Variants in ANK3 observed in about 807,000 individuals in gnomAD.
The protein encoded by ANK3 is ankyrin 3, also known as ankyrin-3.
Under a neutral mutation model 370.9 loss-of-function variants are expected in ANK3, and 57 were observed. That is an observed-to-expected ratio of 0.15 (90% confidence interval 0.12 to 0.19). ANK3 has a LOEUF of 0.19. Among genes scored for constraint, ANK3 ranks in the 10% least tolerant of loss-of-function variants. The pLI is 1.00. For synonymous variants in ANK3, 1,929 were observed against 1,946.3 expected (o/e 0.99, Z 0.23); for missense variants, 4,439 against 5,302.1 (o/e 0.84, Z 5.06).
chr10:60,082,694 A>C lies in ANK3; in HGVS notation c.4244T>G (p.Leu1415Arg). ...SQEPCGRLSFLKEPKTTKGLP... is the reference protein window; with the variant it reads ...SQEPCGRLSFRKEPKTTKGLP... Reference sequence around the variant, plus strand: ...TCCTTTTGTTGTCTTTGGTTCTTTCAGAAAAGACAGACGACCACAGGGCTC... The same window carrying C: ...TCCTTTTGTTGTCTTTGGTTCTTTCCGAAAAGACAGACGACCACAGGGCTC... The change falls in exon 34 of 44, where the codon CTG becomes CGG. Residue 1415 changes from leucine to arginine, a missense_variant. Transcript: ENST00000280772. 1 of 1,614,122 alleles carries C rather than the reference A, an allele frequency of 6.2e-7. No individual in the cohort carries two copies. The highest frequency in any genetic ancestry group is 8.5e-7 in the Non-Finnish European group (1 of 1,179,966).
chr10:60,486,799 G>C (rs2075360780), intron 2 of ANK3, among the ~76,000 whole-genome samples: 1 of 130,096 alleles, frequency 7.7e-6, no homozygotes, highest in Non-Finnish European at 1.7e-5. Flanking sequence ...TGCTCTTACT[G>C]ATATATTCAA....
chr10:60,141,844 G>A (rs1397354981), intron 23 of ANK3, among the ~76,000 whole-genome samples: 1 of 151,972 alleles, frequency 6.6e-6, no homozygotes, highest in African/African-American at 2.4e-5. Context: ...ATGACACCTG[G>A]TGCTTTACTC....
At chr10:60,369,502 T>C (rs1389858350) in intron 1 of ANK3, among the ~76,000 whole-genome samples, 1 of 152,206 alleles carries the variant, frequency 6.6e-6, no homozygotes, top group Non-Finnish European at 1.5e-5. Flanking sequence ...AGGCTGAGTC[T>C]AAGAAGGCCT....
At chr10:60,124,042 T>C (rs1265562341) in intron 25 of ANK3, among the ~76,000 whole-genome samples, 5 of 152,224 alleles carry the variant, frequency 3.3e-5, no homozygotes, top group African/African-American at 7.2e-5. Context: ...AAAATATTAA[T>C]TGCCCTGATT....
Position 60,256,168 on chromosome 10 carries a change from T to C in ANK3, c.798+5691A>G, listed in dbSNP as rs12358938. ...GTCCTATTCAGCATTATAGCCTAGA[T>C]GCAGCTATGCTTTGGGGACTTACGG... On this transcript the variant is annotated intron_variant, in intron 7 of 43. Transcript: ENST00000280772. Among the ~76,000 whole-genome samples the C allele has an allele frequency of 8.0e-3, 1,217 of 152,380 alleles. 11 individuals carry two copies. Among genetic ancestry groups the C allele is most frequent in the Non-Finnish European group, 0.011 (718 of 68,040 alleles).
At chr10:60,332,558 T>C (rs1489828285) in intron 1 of ANK3, among the ~76,000 whole-genome samples, 1 of 152,098 alleles carries the variant, frequency 6.6e-6, no homozygotes, top group Non-Finnish European at 1.5e-5. Flanking sequence ...GAGGGACACA[T>C]GGAGGGGGAC....
chr10:60,155,208 C>T (rs1419228528), intron 23 of ANK3, among the ~76,000 whole-genome samples: 6 of 152,178 alleles, frequency 3.9e-5, no homozygotes, highest in Non-Finnish European at 7.3e-5. Flanking sequence ...ATTATCTACA[C>T]CACCCCTCCC....
chr10:60,237,627 T>C (rs2097354124), intron 7 of ANK3, among the ~76,000 whole-genome samples: 1 of 151,908 alleles, frequency 6.6e-6, no homozygotes, highest in Admixed American at 6.6e-5. Flanking sequence ...TTAATTTTAT[T>C]ATTATTATAC....
intron 4 of ANK3, among the ~76,000 whole-genome samples, chr10:60,273,373 C>T (rs1292893479): frequency 1.3e-5 from 2 of 152,064 alleles, no homozygotes; most frequent in Admixed American, 6.5e-5. Flanking sequence ...ATAAAGCTCA[C>T]CTTTTAAAAG....
intron 1 of ANK3, among the ~76,000 whole-genome samples, chr10:60,692,690 A>T (rs1483550497): frequency 8.5e-5 from 13 of 152,202 alleles, no homozygotes; most frequent in Non-Finnish European, 1.5e-5. Context: ...AATAAGGTAA[A>T]ATCAGAAAGA....
chr10:60,384,378 CAT>C (rs1270345523), intron 1 of ANK3, among the ~76,000 whole-genome samples: 1 of 152,188 alleles, frequency 6.6e-6, no homozygotes, highest in African/African-American at 2.4e-5. Flanking sequence ...GAATTAGAGA[CAT>C]AAAGCCTGTC....
In ANK3 at chr10:60,158,685, C is replaced by CTTTTTTTTTTTTTTTTTTT. The variant is rs141741941; in HGVS notation, c.2614+7905_2614+7906insAAAAAAAAAAAAAAAAAAA. On this transcript the variant is annotated intron_variant, in intron 23 of 43. Transcript: ENST00000280772. ...TACTACAAGAGAAAGCACTTTTTTT[C>CTTTTTTTTTTTTTTTTTTT]TTTTTTTTGAGACAGAATCTCATTC... Among the ~76,000 whole-genome samples, 93 of 132,726 alleles carry CTTTTTTTTTTTTTTTTTTT rather than the reference C, an allele frequency of 7.0e-4. 26 individuals carry two copies. The highest frequency in any genetic ancestry group is 2.0e-3 in the East Asian group (9 of 4,394). 87.1% of individuals were successfully genotyped at this position (132,726 alleles called of 152,430 possible).
At chr10:60,112,947 C>T (rs1470630175) in intron 26 of ANK3, among the ~76,000 whole-genome samples, 2 of 152,148 alleles carry the variant, frequency 1.3e-5, no homozygotes, top group Non-Finnish European at 2.9e-5. Flanking sequence ...GCAAAAACAC[C>T]TTGAGATATT....
In ANK3 at chr10:60,072,269, G is replaced by A. The variant is rs201118487; in HGVS notation, c.8612C>T (p.Ser2871Leu). The change falls in exon 37 of 44, where the codon TCG (serine) becomes TTG (leucine). Residue 2871 changes from serine (S) to leucine (L), a missense_variant. Coordinates refer to ENST00000280772, the MANE Select transcript of ANK3 (RefSeq NM_020987.5). ...TCTTACATCATGAACAAGTACATGC[G>A]AAAGTTTTTCTTTCTGAGACTTATT... is the stretch of plus-strand genomic sequence containing the variant. The part of the protein sequence containing the change: ...TNNKSQKEKL[S>L]HVLVHDVREN... 2.1e-4 allele frequency: 343 copies of A among 1,613,948 alleles called. No homozygotes were observed. The highest frequency in any genetic ancestry group is 2.5e-4 in the Non-Finnish European group (296 of 1,180,024).
rs1424216815 is a variant in ANK3, at chr10:60,526,034, A to G, written c.96+89152T>C. Among the ~76,000 whole-genome samples the G allele has an allele frequency of 2.6e-5, 4 of 152,164 alleles. No individual in the cohort carries two copies. In the South Asian group the frequency reaches 6.2e-4, roughly 24 times the overall value. On this transcript the variant is annotated intron_variant, in intron 2 of 43. Coordinates refer to the ANK3 transcript ENST00000373827. Reference sequence around the variant, plus strand: ...CTAGAAATAAAATGTAATGTGAGCTAGCCCAGGTTTACATGGAACTTGTCA... The same window carrying G: ...CTAGAAATAAAATGTAATGTGAGCTGGCCCAGGTTTACATGGAACTTGTCA...
In ANK3 at chr10:60,103,982, A is replaced by G. The variant is rs1590040184; in HGVS notation, c.3328+1923T>C. On this transcript the variant is annotated intron_variant, in intron 28 of 43. Transcript: ENST00000280772. Reference sequence around the variant, plus strand: ...GCCATTATCCTTAGCAAACTAATGCAGGAACAGAAAACCAAATACTGCATA... The same window carrying G: ...GCCATTATCCTTAGCAAACTAATGCGGGAACAGAAAACCAAATACTGCATA... Among the ~76,000 whole-genome samples, 5 of 152,288 alleles carry G rather than the reference A, an allele frequency of 3.3e-5. No individual in the cohort carries two copies. The South Asian group carries it at 1.0e-3, about 32-fold the overall frequency.
At chr10:60,055,598 G>A in intron 42 of ANK3, 60 bp downstream of exon 42, 1 of 1,519,162 alleles carries the variant, frequency 6.6e-7, no homozygotes. Flanking sequence ...TCAATCCAAA[G>A]AAGTAAAGCA....
intron 1 of ANK3, among the ~76,000 whole-genome samples, chr10:60,362,169 T>C (rs886201275): frequency 6.6e-6 from 1 of 152,204 alleles, no homozygotes; most frequent in African/African-American, 2.4e-5. Context: ...CCATTATCCA[T>C]TTAACCTAAC....
intron 1 of ANK3, among the ~76,000 whole-genome samples, chr10:60,373,538 A>C (rs2060370554): frequency 6.6e-6 from 1 of 152,184 alleles, no homozygotes. Flanking sequence ...CTGTACTTAA[A>C]CAGTCAGGAG....
Sources: allele counts gnomAD v4.1 joint callset (sites outside exome capture counted in the v4.1 genomes callset), GRCh38; gene constraint gnomAD v4.1.1; transcripts MANE v1.5; gene names NCBI Gene and HGNC (gene_info 2026-07-23, HGNC 2026-07-21).